Variants in NSMCE2 observed in about 807,000 individuals in gnomAD.
NSMCE2 encodes NSE2 SUMO ligase component of SMC5/6 complex.
NSMCE2 carries 24 observed loss-of-function variants against 23.8 expected under a neutral mutation model. The ratio of observed to expected loss-of-function variants is 1.01; its 90% CI spans 0.73 to 1.42. NSMCE2 has a LOEUF of 1.42. NSMCE2 is among the 40% of genes most tolerant of loss of function. NSMCE2 has a pLI of 0.00. For missense variants in NSMCE2, 284 were observed against 296.5 expected, an observed-to-expected ratio of 0.96 and a Z score of 0.31; for synonymous variants, 92 against 94.1, an observed-to-expected ratio of 0.98 and a Z score of 0.13.
chr8:125,331,369 A>T (rs1829869676), intron 5 of NSMCE2, among the ~76,000 whole-genome samples: 1 of 152,224 alleles, frequency 6.6e-6, no homozygotes, highest in African/African-American at 2.4e-5. Flanking sequence ...AAGTCATTAG[A>T]TGTCTGTGAC....
chr8:125,252,372 C>CA (rs1167684636), intron 5 of NSMCE2, among the ~76,000 whole-genome samples: 7 of 152,196 alleles, frequency 4.6e-5, no homozygotes, highest in Non-Finnish European at 1.0e-4. Flanking sequence ...ACTAAAAATA[C>CA]AAAAATTAGC....
chr8:125,229,804 A>G (rs1825247499), intron 5 of NSMCE2, among the ~76,000 whole-genome samples: 1 of 152,174 alleles, frequency 6.6e-6, no homozygotes, highest in South Asian at 2.1e-4. Context: ...TAGATGATAA[A>G]TGATGACTTA....
At chr8:125,107,295 T>C (rs1000531542) in intron 3 of NSMCE2, among the ~76,000 whole-genome samples, 1 of 150,728 alleles carries the variant, frequency 6.6e-6, no homozygotes, top group Non-Finnish European at 1.5e-5. Flanking sequence ...CAAGCTATTC[T>C]CCTGCCTCAG....
intron 5 of NSMCE2, among the ~76,000 whole-genome samples, chr8:125,245,619 G>A (rs1825929765): frequency 6.6e-6 from 1 of 151,678 alleles, no homozygotes; most frequent in African/African-American, 2.4e-5. Context: ...AAAATACTAA[G>A]GATAGAAAAA....
intron 5 of NSMCE2, among the ~76,000 whole-genome samples, chr8:125,220,172 A>C (rs759844926): frequency 6.6e-6 from 1 of 152,204 alleles, no homozygotes; most frequent in Non-Finnish European, 1.5e-5. Context: ...ATGAAGGATC[A>C]GTTGATCTCA....
At chr8:125,165,996 T>C (rs188114916) in intron 4 of NSMCE2, among the ~76,000 whole-genome samples, 141 of 152,252 alleles carry the variant, frequency 9.3e-4, no homozygotes, top group African/African-American at 3.3e-3. Context: ...TGATGGAGTA[T>C]TAATAATTTC....
chr8:125,349,256 A>G (rs537918758), intron 5 of NSMCE2, among the ~76,000 whole-genome samples: 1 of 152,340 alleles, frequency 6.6e-6, no homozygotes, highest in East Asian at 1.9e-4. Context: ...TCAAACTTGG[A>G]ATCAATGTGC....
At chr8:125,236,443 G>A (rs1056999729) in intron 5 of NSMCE2, among the ~76,000 whole-genome samples, 3 of 151,918 alleles carry the variant, frequency 2.0e-5, no homozygotes, top group Admixed American at 2.0e-4. Context: ...TATGTAAATA[G>A]GGGTCTTAAT....
chr8:125,102,835 T>G (rs1818263569), intron 3 of NSMCE2, among the ~76,000 whole-genome samples: 1 of 152,216 alleles, frequency 6.6e-6, no homozygotes, highest in South Asian at 2.1e-4. Context: ...TAGTTTATAC[T>G]TTGGTCATAC....
chr8:125,146,651 A>T (rs1436130406), intron 3 of NSMCE2, among the ~76,000 whole-genome samples: 1 of 152,200 alleles, frequency 6.6e-6, no homozygotes, highest in Admixed American at 6.5e-5. Context: ...CAAGGACAGA[A>T]AACCAAACAC....
intron 5 of NSMCE2, chr8:125,182,699 A>G (rs1039270615): frequency 5.5e-6 from 1 of 182,062 alleles, no homozygotes; most frequent in African/African-American, 2.3e-5. Flanking sequence ...TATCTTCTCA[A>G]CTATAGACCA....
chr8:125,222,242 TTTAA>T (rs141088166), intron 5 of NSMCE2, among the ~76,000 whole-genome samples: 3,267 of 152,136 alleles, frequency 0.021, 122 homozygotes, highest in African/African-American at 0.075. Context: ...TTTAAAATTT[TTTAA>T]TTGAGAAATA....
At position 125,209,305 on chromosome 8, in the gene NSMCE2, C is replaced by G. The variant is rs569793644; in HGVS notation, c.418+27049C>G. On this transcript the variant is annotated intron_variant, in intron 5 of 7. Transcript: ENST00000287437. The stretch of plus-strand genomic sequence containing the variant: ...TACAACATAGACAAAAGTAAGGAAA[C>G]CCCCATTGAGTGATGTCAACTGGGT... Among the ~76,000 whole-genome samples, 26 of 152,266 alleles carry G rather than the reference C, an allele frequency of 1.7e-4. No individual in the cohort carries two copies. In the South Asian group the frequency reaches 2.3e-3, roughly 13 times the overall value.
rs577088364 is a variant in NSMCE2 at position 125,276,401 on chromosome 8, A to G, written c.419-80818A>G. On this transcript the variant is annotated intron_variant, in intron 5 of 7. Coordinates refer to ENST00000287437, the MANE Select transcript of NSMCE2 (RefSeq NM_173685.4). ...CCCTAAAACCCCTCTTCCTTACTCC[A>G]GACTAACTGGAGGACTGATTGTATT... 3.9e-5 allele frequency among the ~76,000 whole-genome samples: 6 copies of G among 152,240 alleles called. No homozygotes were observed. In the South Asian group the frequency reaches 1.0e-3, roughly 26 times the overall value.
chr8:125,281,741 G>A (rs1468509614), intron 5 of NSMCE2, among the ~76,000 whole-genome samples: 3 of 149,846 alleles, frequency 2.0e-5, no homozygotes, highest in Admixed American at 6.6e-5. Flanking sequence ...GTGCACGGCC[G>A]TAACTTTTTT....
intron 3 of NSMCE2, among the ~76,000 whole-genome samples, chr8:125,144,539 G>C (rs1471841650): frequency 1.3e-5 from 2 of 152,174 alleles, no homozygotes; most frequent in Non-Finnish European, 2.9e-5. Flanking sequence ...GCTACATAAG[G>C]ACCGTATTGC....
chr8:125,290,059 C>T (rs1828048098), intron 5 of NSMCE2, among the ~76,000 whole-genome samples: 1 of 152,112 alleles, frequency 6.6e-6, no homozygotes, highest in Non-Finnish European at 1.5e-5. Flanking sequence ...ATTACAAAAT[C>T]ACTAGTGAGG....
chr8:125,206,871 G>GGATGACCTCTGTA (rs111315029), intron 5 of NSMCE2, among the ~76,000 whole-genome samples: 2,516 of 152,262 alleles, frequency 0.017, 67 homozygotes, highest in African/African-American at 0.058. Flanking sequence ...CTCTAGGAGT[G>GGATGACCTCTGTA]AAGGGAAGAG....
intron 4 of NSMCE2, among the ~76,000 whole-genome samples, chr8:125,161,791 C>CAAAA (rs34724865): frequency 8.3e-6 from 1 of 120,908 alleles, no homozygotes; most frequent in African/African-American, 2.9e-5. Flanking sequence ...GACAATGTCT[C>CAAAA]AAAAAAAAAA....
Sources: allele counts gnomAD v4.1 joint callset (sites outside exome capture counted in the v4.1 genomes callset), GRCh38; gene constraint gnomAD v4.1.1; transcripts MANE v1.5; gene names NCBI Gene and HGNC (gene_info 2026-07-23, HGNC 2026-07-21).